Variants in ANKRD62 observed in about 807,000 individuals in gnomAD.
The protein encoded by ANKRD62 is ankyrin repeat domain-containing protein 62.
A neutral mutation model predicts 98.8 loss-of-function variants in ANKRD62; 61 were observed. That is an observed-to-expected ratio of 0.62 (90% CI 0.50 to 0.76). The LOEUF is 0.76. Ranked by LOEUF, ANKRD62 falls within the 30% of genes least tolerant of loss-of-function variation. ANKRD62 has a pLI of 0.00. For missense variants in ANKRD62, 933 were observed against 1,082.9 expected (o/e 0.86, Z 1.94); for synonymous variants, 341 against 367.9 (o/e 0.93, Z 0.84).
At position 12,107,389 on chromosome 18, in the gene ANKRD62, A is replaced by G. The variant is rs765086885; in HGVS notation, c.986A>G (p.Asp329Gly). 8.5e-6 allele frequency: 13 copies of G among 1,526,278 alleles called. No homozygotes were observed. The South Asian group carries it at 1.6e-4, about 19-fold the overall frequency. 94.5% of individuals were successfully genotyped at this position (1,526,278 alleles called of 1,614,324 possible). ...AGTGACAATTATAATGATGATGTTG[A>G]TGAATTAATTCACAAAATAAAGAAC... is the stretch of plus-strand genomic sequence containing the variant. ...DDSDNYNDDV[D>G]ELIHKIKNRK... is the part of the protein sequence containing the mutation. The change falls in exon 8 of 14, where the codon GAT becomes GGT. Residue 329 changes from aspartate (D) to glycine (G), a missense_variant. Asp to Gly is a moderately conservative substitution (Grantham distance 94, BLOSUM62 -1). Transcript: ENST00000587848.
In ANKRD62 at chr18:12,096,299, G is replaced by T. The variant is rs1326764034; in HGVS notation, c.611G>T (p.Gly204Val). The T allele has an allele frequency of 6.6e-7, 1 of 1,514,996 alleles. No individual in the cohort carries two copies. The highest frequency in any genetic ancestry group is 1.2e-5 in the South Asian group (1 of 83,248). 93.8% of individuals were successfully genotyped at this position (1,514,996 alleles called of 1,614,324 possible). ...KPDLTAIDNF[G>V]RTALILAARN... ...GATTTAACTGCAATAGATAATTTTG[G>T]AAGGTACAGTAGTTCTTTTTTTGTT... Residue 204 changes from glycine to valine, a missense_variant, in exon 4 of 14, where the codon GGA becomes GTA. This residue lies in a region of ANKRD62 where 549 missense variants were observed against 587.9 expected (regional missense o/e 0.93). Coordinates refer to ENST00000587848, the MANE Select transcript of ANKRD62 (RefSeq NM_001277333.2).
intron 6 of ANKRD62, chr18:12,102,346 T>C (rs1291689708): frequency 4.5e-6 from 3 of 662,276 alleles, no homozygotes; most frequent in Non-Finnish European, 5.7e-6. Context: ...CTCCACACCA[T>C]TCGGGGGTAG....
At chr18:12,165,120 A>T in the ANKRD62 span, among the ~76,000 whole-genome samples, 2 of 151,840 alleles carry the variant, frequency 1.3e-5, no homozygotes, top group African/African-American at 4.8e-5. Flanking sequence ...TTCCTTTGCC[A>T]TGGAATATTT....
chr18:12,160,282 TAAAC>T, the ANKRD62 span, among the ~76,000 whole-genome samples: 1 of 152,214 alleles, frequency 6.6e-6, no homozygotes, highest in Admixed American at 6.5e-5. Flanking sequence ...ATATTTTTCT[TAAAC>T]AATGTGTGTG....
Position 12,127,763 on chromosome 18 carries a change from C to G in ANKRD62, c.2578C>G (p.Leu860Val). The part of the protein sequence containing the change: ...KEEREVVRRQ[L>V]QREVDDALNK... ...ATCTTACCAGGTAGTCAGGAGACAG[C>G]TTCAACGAGAAGTGGATGATGCCCT... The change falls in exon 14 of 14, where the codon CTT becomes GTT. Residue 860 changes from leucine to valine, a missense_variant. Leu to Val is a conservative substitution (Grantham distance 32). This residue lies in a region of ANKRD62 where 362 missense variants were observed against 434.5 expected (regional missense o/e 0.83). Coordinates refer to ENST00000587848, the MANE Select transcript of ANKRD62 (RefSeq NM_001277333.2). The G allele has an allele frequency of 7.0e-7, 1 of 1,424,968 alleles. No homozygotes were observed. The allele number at this position is 1,424,968 out of a possible 1,614,324, so 88.3% of individuals were successfully genotyped here. A position where few individuals can be genotyped will look rare whatever the true frequency, so the allele number is the denominator to read the frequency against.
intron 4 of ANKRD62, 38 bp downstream of exon 4, chr18:12,096,340 G>A (rs142796004): frequency 1.6e-5 from 21 of 1,273,930 alleles, no homozygotes; most frequent in East Asian, 5.0e-5. Context: ...TTAAACCTGA[G>A]TGGTGTTCTA....
At chr18:12,100,777 C>T (rs1259557923) in intron 6 of ANKRD62, among the ~76,000 whole-genome samples, 1 of 152,064 alleles carries the variant, frequency 6.6e-6, no homozygotes, top group Non-Finnish European at 1.5e-5. Flanking sequence ...ATATTTACTT[C>T]GTTAGGGTGA....
chr18:12,150,175 G>A, the ANKRD62 span, among the ~76,000 whole-genome samples: 1 of 152,170 alleles, frequency 6.6e-6, no homozygotes. Flanking sequence ...AGTATTAACA[G>A]GAGAATAAAT....
downstream of ANKRD62, among the ~76,000 whole-genome samples, chr18:12,131,083 C>T (rs1459187095): frequency 6.6e-6 from 1 of 152,136 alleles, no homozygotes; most frequent in African/African-American, 2.4e-5. Context: ...TGGACCTTTC[C>T]CGTTGTGGTA....
the ANKRD62 span, among the ~76,000 whole-genome samples, chr18:12,157,647 G>A: frequency 6.6e-6 from 1 of 152,072 alleles, no homozygotes; most frequent in Non-Finnish European, 1.5e-5. Context: ...ATTCTGCCTC[G>A]CTTTCTATTT....
chr18:12,153,295 A>G, the ANKRD62 span, among the ~76,000 whole-genome samples: 2 of 152,172 alleles, frequency 1.3e-5, no homozygotes, highest in Non-Finnish European at 2.9e-5. Flanking sequence ...TTCTTTGCAG[A>G]ACTAGAAAAA....
In ANKRD62 at chr18:12,126,402, AAGTATT is replaced by A. The variant is rs1258058913; in HGVS notation, c.2562+20_2562+25del. On this transcript the variant is annotated intron_variant, in intron 13 of 13. Coordinates refer to ENST00000587848, the MANE Select transcript of ANKRD62 (RefSeq NM_001277333.2). ...AAGAGAAGTAAGTATCAAGAAAGAT[AAGTATT>A]TTTCAAACTTCCTGAAGTAAAATTT... 2 of 1,491,024 alleles carry A rather than the reference AAGTATT, an allele frequency of 1.3e-6. No homozygotes were observed. Among genetic ancestry groups the A allele is most frequent in the Non-Finnish European group, 8.9e-7 (1 of 1,126,572 alleles). 92.4% of individuals were successfully genotyped at this position (1,491,024 alleles called of 1,614,324 possible).
chr18:12,126,847 C>T (rs1909903253), intron 13 of ANKRD62, among the ~76,000 whole-genome samples: 1 of 152,086 alleles, frequency 6.6e-6, no homozygotes, highest in African/African-American at 2.4e-5. Flanking sequence ...ATTATTCTTC[C>T]TCAATAGCTT....
Position 12,125,790 on chromosome 18 carries a change from C to A in ANKRD62, c.1969C>A (p.Arg657Ser), listed in dbSNP as rs550055259. 2 of 1,549,330 alleles carry A rather than the reference C, an allele frequency of 1.3e-6. No individual in the cohort carries two copies. Among genetic ancestry groups the A allele is most frequent in the Admixed American group, 2.0e-5 (1 of 51,012 alleles). Residue 657 changes from arginine (R) to serine (S), a missense_variant, in exon 13 of 14, where the codon CGT (arginine) becomes AGT (serine). This residue lies in a region of ANKRD62 where 362 missense variants were observed against 434.5 expected (regional missense o/e 0.83). Transcript: ENST00000587848. ...SRLETEMESY[R>S]CRLAAALCDH... ...ACTGGAAACAGAAATGGAATCATACCGTTGTAGACTGGCTGCTGCCCTATG... is the reference window on the plus strand; with the variant it reads ...ACTGGAAACAGAAATGGAATCATACAGTTGTAGACTGGCTGCTGCCCTATG...
chr18:12,136,102 T>A, the ANKRD62 span, among the ~76,000 whole-genome samples: 1,566 of 152,034 alleles, frequency 0.01, 20 homozygotes, highest in African/African-American at 0.035. Context: ...GGTGTTTTAG[T>A]CATGAAGTCC....
the ANKRD62 span, among the ~76,000 whole-genome samples, chr18:12,181,422 G>A: frequency 6.6e-6 from 1 of 152,184 alleles, no homozygotes; most frequent in South Asian, 2.1e-4. Flanking sequence ...ATGACTTATT[G>A]CAACCATCTG....
In ANKRD62 at chr18:12,122,427, A is replaced by G; in HGVS notation, c.1365A>G (p.Val455=). 1 of 1,535,628 alleles carries G rather than the reference A, an allele frequency of 6.5e-7. No homozygotes were observed. The highest frequency in any genetic ancestry group is 1.4e-5 in the African/African-American group (1 of 73,146). Residue 455 remains valine, a synonymous_variant, in exon 11 of 14, where the codon GTA becomes GTG. Transcript: ENST00000587848. ...KFQKMKNNIS[V]LQKVLSETDK... ...AAAAAATGAAAAATAATATTAGCGT[A>G]CTACAAAAGGTACTATCTGAAACAG...
chr18:12,159,647 C>T, the ANKRD62 span, among the ~76,000 whole-genome samples: 2 of 152,172 alleles, frequency 1.3e-5, no homozygotes, highest in African/African-American at 4.8e-5. Context: ...TGTATCTTTT[C>T]TGGACTCTGC....
At chr18:12,102,166 T>G in intron 6 of ANKRD62, 2 of 1,023,926 alleles carry the variant, frequency 2.0e-6, no homozygotes, top group Admixed American at 3.4e-5. Context: ...CGAGTAACTA[T>G]GAAGAGTGAG....
Sources: gnomAD v4.1 joint callset for allele counts (sites outside exome capture counted in the v4.1 genomes callset) on GRCh38, gnomAD v4.1.1 for gene constraint, gnomAD v4.1.1 regional missense constraint, MANE v1.5 for transcripts, NCBI Gene and HGNC (gene_info 2026-07-23, HGNC 2026-07-21) for gene names.